Variants in ADGRL1 observed in about 807,000 individuals in gnomAD.
The protein encoded by ADGRL1 is adhesion G protein-coupled receptor L1.
A neutral mutation model predicts 148.9 loss-of-function variants in ADGRL1; 31 were observed. The observed-to-expected ratio is 0.21, with a 90% CI of 0.16 to 0.28. ADGRL1 has a LOEUF of 0.28. Ranked by LOEUF, ADGRL1 falls within the 10% of genes least tolerant of loss-of-function variation. The pLI, the probability that ADGRL1 is intolerant of heterozygous loss-of-function variation, is 1.00. For synonymous variants in ADGRL1, 937 were observed against 900.3 expected, an observed-to-expected ratio of 1.04 and a Z score of -0.73; for missense variants, 1,521 against 2,058.8, an observed-to-expected ratio of 0.74 and a Z score of 5.05.
rs1352551693 is a variant in ADGRL1 at position 14,183,516 on chromosome 19, G to A, written c.70+17C>T. On this transcript the variant is annotated intron_variant, in intron 2 of 22. Coordinates refer to ENST00000361434, the MANE Select transcript of ADGRL1 (RefSeq NM_014921.5). ...GTTTGGGAGCCGCGGCCCCTCCCCG[G>A]CCCCAGCAGCACCTACCTTGGGTGG... The A allele has an allele frequency of 2.6e-6, 4 of 1,559,914 alleles. No individual in the cohort carries two copies. The highest frequency in any genetic ancestry group is 2.4e-5 in the South Asian group (2 of 84,714).
At position 14,170,658 on chromosome 19, in the gene ADGRL1, C is replaced by T. The variant is rs200325339; in HGVS notation, c.394+24G>A. 535 of 1,456,620 alleles carry T rather than the reference C, an allele frequency of 3.7e-4. 4 individuals carry two copies. The African/African-American group carries it at 5.8e-3, about 16-fold the overall frequency. The allele number at this position is 1,456,620 out of a possible 1,614,324, so 90.2% of individuals were successfully genotyped here. On this transcript the variant is annotated intron_variant, in intron 4 of 22. Transcript: ENST00000361434. Reference sequence around the variant, plus strand: ...CACTCATGCGAGAAGGGCCCGCATCCGCACAAGGAACAAGATGACTCACTG... The same window carrying T: ...CACTCATGCGAGAAGGGCCCGCATCTGCACAAGGAACAAGATGACTCACTG...
At chr19:14,166,632 G>A (rs934528201) in intron 4 of ADGRL1, among the ~76,000 whole-genome samples, 3 of 152,042 alleles carry the variant, frequency 2.0e-5, no homozygotes, top group African/African-American at 4.8e-5. Context: ...TGGGGGAGCC[G>A]GGGAAGGGAG....
At chr19:14,166,004 T>TC (rs1250390947) in intron 4 of ADGRL1, among the ~76,000 whole-genome samples, 1 of 151,590 alleles carries the variant, frequency 6.6e-6, no homozygotes, top group South Asian at 2.1e-4. Context: ...GCACCTCCGC[T>TC]CCCCCCAATA....
intron 1 of ADGRL1, among the ~76,000 whole-genome samples, chr19:14,186,226 T>C (rs1298831480): frequency 6.6e-6 from 1 of 152,060 alleles, no homozygotes; most frequent in Non-Finnish European, 1.5e-5. Flanking sequence ...ATCCAGCTAA[T>C]TTATTTTATT....
At chr19:14,204,347 G>A (rs1972816746) in intron 1 of ADGRL1, among the ~76,000 whole-genome samples, 4 of 152,070 alleles carry the variant, frequency 2.6e-5, no homozygotes, top group Admixed American at 2.6e-4. Context: ...TCCCCTGCCG[G>A]GGGCAGACAG....
At chr19:14,205,388 G>A (rs1158192790) in intron 1 of ADGRL1, among the ~76,000 whole-genome samples, 2 of 151,888 alleles carry the variant, frequency 1.3e-5, no homozygotes, top group East Asian at 1.9e-4. Context: ...GGCGCCCCCC[G>A]GACTGCGGCC....
At chr19:14,175,134 C>T (rs997521790) in intron 3 of ADGRL1, among the ~76,000 whole-genome samples, 4 of 152,162 alleles carry the variant, frequency 2.6e-5, no homozygotes, top group South Asian at 2.1e-4. Context: ...TGAGCCACCG[C>T]GTCCAGCCTG....
intron 18 of ADGRL1, among the ~76,000 whole-genome samples, chr19:14,153,193 T>C (rs533088636): frequency 1.2e-4 from 18 of 152,294 alleles, no homozygotes; most frequent in East Asian, 1.9e-4. Flanking sequence ...CAGAGCATTA[T>C]TGAGCATCCG....
rs115257513 is a variant in ADGRL1, at chr19:14,182,076, G to A, written c.70+1457C>T. On this transcript the variant is annotated intron_variant, in intron 2 of 22. Transcript: ENST00000361434. ...ACAGATGGCTGGGGTTGGAATTCCAGCCCGGCCACTCCCTGGCTGCAGCCT... is the reference window on the plus strand; with the variant it reads ...ACAGATGGCTGGGGTTGGAATTCCAACCCGGCCACTCCCTGGCTGCAGCCT... Among the ~76,000 whole-genome samples the A allele has an allele frequency of 3.3e-3, 503 of 152,268 alleles. 2 individuals carry two copies. Among genetic ancestry groups the A allele is most frequent in the African/African-American group, 0.011 (477 of 41,568 alleles).
At chr19:14,195,325 G>A (rs1486102829) in intron 1 of ADGRL1, among the ~76,000 whole-genome samples, 1 of 152,168 alleles carries the variant, frequency 6.6e-6, no homozygotes, top group Non-Finnish European at 1.5e-5. Flanking sequence ...CTCTGTCCTC[G>A]GGTGCCCTGT....
Position 14,156,669 on chromosome 19 carries a change from A to G in ADGRL1, c.3022T>C (p.Phe1008Leu). The G allele has an allele frequency of 1.2e-6, 2 of 1,611,570 alleles. No individual in the cohort carries two copies. Among genetic ancestry groups the G allele is most frequent in the Non-Finnish European group, 1.7e-6 (2 of 1,179,098 alleles). ...FIWSFIGPVS[F>L]VIVVNLVFLM... ...ACCTCCCAACTCACCACGATAACGA[A>G]GGAGACTGGCCCGATGAAACTCCAG... The change falls in exon 16 of 23, where the codon TTC becomes CTC. Residue 1008 changes from phenylalanine to leucine, a missense_variant. By Grantham distance (22) the Phe-to-Leu change is conservative (BLOSUM62 0). Coordinates refer to ENST00000361434, the MANE Select transcript of ADGRL1 (RefSeq NM_014921.5).
chr19:14,174,513 C>T (rs1183327240), intron 3 of ADGRL1, among the ~76,000 whole-genome samples: 7 of 151,674 alleles, frequency 4.6e-5, no homozygotes, highest in East Asian at 1.9e-4. Context: ...CTCAGTGACC[C>T]GCTCCTCCCC....
At chr19:14,177,265 T>G (rs147491433) in intron 3 of ADGRL1, among the ~76,000 whole-genome samples, 10 of 151,950 alleles carry the variant, frequency 6.6e-5, no homozygotes, top group Non-Finnish European at 1.2e-4. Context: ...AATCTTGGGA[T>G]GGAAGTTATG....
chr19:14,163,465 G>GGGGAGAGA, intron 4 of ADGRL1, 59 bp from the exon 5 acceptor site: 1 of 700,930 alleles, frequency 1.4e-6, no homozygotes, highest in South Asian at 2.2e-5. Context: ...GCGAGAGGGA[G>GGGGAGAGA]GAGAGAGAGA....
rs1382154868 is a variant in ADGRL1, at chr19:14,152,233, G to A, written c.3649+76C>T. ...GTCCAGGCTCCAGTTCTGGGGCACAGAACATCCCATGCAGAGGTCCCTTGG... is the reference window on the plus strand; with the variant it reads ...GTCCAGGCTCCAGTTCTGGGGCACAAAACATCCCATGCAGAGGTCCCTTGG... On this transcript the variant is annotated intron_variant, in intron 21 of 22. Coordinates refer to ENST00000361434, the MANE Select transcript of ADGRL1 (RefSeq NM_014921.5). This position sits in a 1 kb window ranked among gnomAD's most constrained non-coding sequence, Gnocchi z 6.1. 6.2e-7 allele frequency: 1 copy of A among 1,613,954 alleles called. No individual in the cohort carries two copies. Among genetic ancestry groups the A allele is most frequent in the Non-Finnish European group, 8.5e-7 (1 of 1,179,956 alleles).
Position 14,159,160 on chromosome 19 carries a change from G to C in ADGRL1, c.2079C>G (p.Pro693=), listed in dbSNP as rs1379441920. Residue 693 remains proline, a synonymous_variant, in exon 11 of 23, where the codon CCC becomes CCG. Transcript: ENST00000361434. The surrounding 1 kb of genome is among the most constrained non-coding windows in gnomAD (Gnocchi z 6.0). ...TEGQVQELVF[P]QEEYPRKNSI... The stretch of plus-strand genomic sequence containing the variant: ...AGTTCTTTCTCGGGTACTCCTCCTG[G>C]GGGAACACCAGCTCCTGCACCTGGC... 1.2e-6 allele frequency: 2 copies of C among 1,614,006 alleles called. No homozygotes were observed. The highest frequency in any genetic ancestry group is 1.7e-6 in the Non-Finnish European group (2 of 1,180,020).
chr19:14,183,094 C>A (rs1214850814), intron 2 of ADGRL1, among the ~76,000 whole-genome samples: 2 of 152,122 alleles, frequency 1.3e-5, no homozygotes, highest in Non-Finnish European at 2.9e-5. Flanking sequence ...CTAGGGCCGG[C>A]ATAGGGCCGA....
chr19:14,175,122 C>T (rs1459156451), intron 3 of ADGRL1, among the ~76,000 whole-genome samples: 1 of 152,150 alleles, frequency 6.6e-6, no homozygotes, highest in Non-Finnish European at 1.5e-5. Context: ...TGATTACAGG[C>T]GTGAGCCACC....
At position 14,160,067 on chromosome 19, in the gene ADGRL1, CA is replaced by C; in HGVS notation, c.1800+44del. ...CAGGTACTTCCCAAGCCCCTGGGGG[CA>C]GGCGCCCTCCCCATACCAGGTCAGC... On this transcript the variant is annotated intron_variant, in intron 8 of 22. Transcript: ENST00000361434. The surrounding 1 kb of genome is among the most constrained non-coding windows in gnomAD (Gnocchi z 5.9). The C allele has an allele frequency of 1.3e-6, 2 of 1,527,102 alleles. No individual in the cohort carries two copies. Among genetic ancestry groups the C allele is most frequent in the Non-Finnish European group, 1.8e-6 (2 of 1,131,986 alleles). The allele number at this position is 1,527,102 out of a possible 1,614,324, so 94.6% of individuals were successfully genotyped here. A position where few individuals can be genotyped will look rare whatever the true frequency, so the allele number is the denominator to read the frequency against.
Sources: gnomAD v4.1 joint callset for allele counts (sites outside exome capture counted in the v4.1 genomes callset) on GRCh38, gnomAD v4.1.1 for gene constraint, Gnocchi (gnomAD v3.1) non-coding constraint, MANE v1.5 for transcripts, NCBI Gene and HGNC (gene_info 2026-07-23, HGNC 2026-07-21) for gene names.